The following MALRD1 variants were observed in gnomAD, a reference collection of about 807,000 sequenced individuals.
The protein encoded by MALRD1 is MAM and LDL receptor class A domain containing 1.
MALRD1 carries 247 observed loss-of-function variants against 242.1 expected under a neutral mutation model. The observed-to-expected ratio is 1.02, with a 90% CI of 0.92 to 1.13. The LOEUF (loss-of-function observed/expected upper bound fraction) is 1.13. Among genes scored for constraint, MALRD1 ranks in the 50% most tolerant of loss-of-function variants. The probability of loss-of-function intolerance (pLI) is 0.00; values close to 1 mark genes in which losing one functional copy is unlikely to be tolerated. For missense variants in MALRD1, 2,989 were observed against 2,533.1 expected (o/e 1.18, Z -3.86); for synonymous variants, 995 against 866.6 (o/e 1.15, Z -2.60).
chr10:19,649,391 C>T (rs190665116), intron 36 of MALRD1, among the ~76,000 whole-genome samples: 1 of 152,262 alleles, frequency 6.6e-6, no homozygotes, highest in African/African-American at 2.4e-5. Context: ...GCAACTTCAC[C>T]AGCATCTGTT....
intron 29 of MALRD1, among the ~76,000 whole-genome samples, chr10:19,457,183 T>G (rs1835704775): frequency 6.6e-6 from 1 of 152,096 alleles, no homozygotes; most frequent in Non-Finnish European, 1.5e-5. Flanking sequence ...TCCTGATGCT[T>G]AATGGCATGG....
At chr10:19,700,173 A>G (rs966568945) in intron 38 of MALRD1, among the ~76,000 whole-genome samples, 1 of 152,100 alleles carries the variant, frequency 6.6e-6, no homozygotes, top group African/African-American at 2.4e-5. Context: ...GTTGACAAGT[A>G]ACAAGTTACC....
At chr10:19,407,605 C>G (rs1833092661) in intron 28 of MALRD1, among the ~76,000 whole-genome samples, 1 of 151,978 alleles carries the variant, frequency 6.6e-6, no homozygotes, top group African/African-American at 2.4e-5. Context: ...ACTAATAAAC[C>G]TATAAAAAGA....
At chr10:19,499,435 G>A (rs1357326998) in intron 31 of MALRD1, among the ~76,000 whole-genome samples, 1 of 149,468 alleles carries the variant, frequency 6.7e-6, no homozygotes, top group African/African-American at 2.4e-5. Context: ...ATCAACTGAA[G>A]GCCTGAATAG....
Position 19,260,678 on chromosome 10 carries a change from G to C in MALRD1, c.3079+2907G>C, listed in dbSNP as rs151104548. 2.6e-3 allele frequency among the ~76,000 whole-genome samples: 391 copies of C among 152,284 alleles called. 4 individuals carry two copies. Among genetic ancestry groups the C allele is most frequent in the African/African-American group, 9.0e-3 (376 of 41,568 alleles). On this transcript the variant is annotated intron_variant, in intron 19 of 39. Transcript: ENST00000454679. The stretch of plus-strand genomic sequence containing the variant: ...TACTTAATCTTACAATGTTTTAAGA[G>C]TCTAGAAGAGTGCCTGGTCCATCAT...
intron 29 of MALRD1, among the ~76,000 whole-genome samples, chr10:19,476,977 C>G (rs1344149677): frequency 1.3e-5 from 2 of 151,870 alleles, no homozygotes; most frequent in Admixed American, 1.3e-4. Flanking sequence ...TCATTTTTTC[C>G]AGGTATTCCA....
chr10:19,250,806 C>A (rs1839262472), intron 18 of MALRD1, among the ~76,000 whole-genome samples: 1 of 151,784 alleles, frequency 6.6e-6, no homozygotes, highest in African/African-American at 2.4e-5. Flanking sequence ...CTCCCCACAT[C>A]CTCCGTCTCT....
chr10:19,528,507 C>T (rs566712254), intron 31 of MALRD1, among the ~76,000 whole-genome samples: 15 of 152,200 alleles, frequency 9.9e-5, no homozygotes, highest in East Asian at 3.9e-4. Flanking sequence ...GCAGGAGAAC[C>T]GCTTGAACCC....
At chr10:19,268,953 C>G (rs892075946) in intron 19 of MALRD1, among the ~76,000 whole-genome samples, 4 of 152,120 alleles carry the variant, frequency 2.6e-5, no homozygotes, top group African/African-American at 9.7e-5. Flanking sequence ...CCCTGTGGCT[C>G]AGAGATGTGG....
intron 28 of MALRD1, among the ~76,000 whole-genome samples, chr10:19,435,150 A>T (rs1834300568): frequency 2.0e-5 from 3 of 149,700 alleles, no homozygotes; most frequent in African/African-American, 7.3e-5. Context: ...TTTATTTTAT[A>T]ATATCCTATT....
chr10:19,621,752 A>G (rs1176005922), intron 36 of MALRD1, among the ~76,000 whole-genome samples: 1 of 151,836 alleles, frequency 6.6e-6, no homozygotes, highest in Non-Finnish European at 1.5e-5. Flanking sequence ...AATTTTTAAC[A>G]CAAAACCAAA....
chr10:19,106,091 A>T (rs1388590062), intron 5 of MALRD1, among the ~76,000 whole-genome samples: 1 of 151,796 alleles, frequency 6.6e-6, no homozygotes, highest in Non-Finnish European at 1.5e-5. Context: ...TTACATATTT[A>T]TGGGGTACAT....
In MALRD1 at chr10:19,387,549, G is replaced by A. The variant is rs757232120; in HGVS notation, c.4463G>A (p.Arg1488Lys). The A allele has an allele frequency of 1.3e-6, 2 of 1,550,318 alleles. No individual in the cohort carries two copies. Among genetic ancestry groups the A allele is most frequent in the South Asian group, 2.4e-5 (2 of 84,034 alleles). The change falls in exon 27 of 40, where the codon AGG becomes AAG. Residue 1488 changes from arginine (R) to lysine (K), a missense_variant. Transcript: ENST00000454679. ...TTAGGTTTCTGCCCACTTGGCTATAGGGAATGTCATAATGGAAAATGCTAT... is the reference window on the plus strand; with the variant it reads ...TTAGGTTTCTGCCCACTTGGCTATAAGGAATGTCATAATGGAAAATGCTAT... ...LPTGFCPLGYRECHNGKCYRL... is the reference protein window; with the variant it reads ...LPTGFCPLGYKECHNGKCYRL...
intron 36 of MALRD1, among the ~76,000 whole-genome samples, chr10:19,674,623 G>A (rs1235343242): frequency 1.3e-5 from 2 of 152,058 alleles, no homozygotes; most frequent in Non-Finnish European, 2.9e-5. Context: ...ACATGAATAA[G>A]ATCTTACTGG....
intron 28 of MALRD1, among the ~76,000 whole-genome samples, chr10:19,420,962 A>G (rs1833698729): frequency 6.6e-6 from 1 of 152,190 alleles, no homozygotes; most frequent in Non-Finnish European, 1.5e-5. Flanking sequence ...GACTTTGTTC[A>G]CATAGACTTC....
chr10:19,610,856 A>G (rs981545002), intron 35 of MALRD1, among the ~76,000 whole-genome samples: 5 of 152,094 alleles, frequency 3.3e-5, no homozygotes, highest in African/African-American at 4.8e-5. Flanking sequence ...ATAAGACACA[A>G]TGTTATGAAG....
At chr10:19,188,794 G>A (rs965676893) in intron 14 of MALRD1, among the ~76,000 whole-genome samples, 3 of 152,140 alleles carry the variant, frequency 2.0e-5, no homozygotes, top group Admixed American at 1.3e-4. Flanking sequence ...AAGAGCAGTT[G>A]GGGAGTATTC....
At chr10:19,714,659 A>C (rs1834297786) in intron 38 of MALRD1, among the ~76,000 whole-genome samples, 1 of 152,150 alleles carries the variant, frequency 6.6e-6, no homozygotes, top group African/African-American at 2.4e-5. Context: ...TCCCCGTATC[A>C]ATGTGACACA....
chr10:19,190,086 C>G (rs1835907102), intron 14 of MALRD1, among the ~76,000 whole-genome samples: 2 of 151,892 alleles, frequency 1.3e-5, no homozygotes, highest in African/African-American at 4.8e-5. Context: ...ACAAAAAACC[C>G]TGTTAGAACT....
Sources: gnomAD v4.1 joint callset for allele counts (sites outside exome capture counted in the v4.1 genomes callset) on GRCh38, gnomAD v4.1.1 for gene constraint, MANE v1.5 for transcripts, NCBI Gene and HGNC (gene_info 2026-07-23, HGNC 2026-07-21) for gene names.